Variants in CDH4 observed in about 807,000 individuals in gnomAD.
CDH4 encodes cadherin 4.
Under a neutral mutation model 86.0 loss-of-function variants are expected in CDH4, and 33 were observed. The observed-to-expected ratio is 0.38, with a 90% CI of 0.29 to 0.51. The LOEUF is 0.51. Ranked by LOEUF, CDH4 falls within the 20% of genes least tolerant of loss-of-function variation. CDH4 has a pLI of 0.86. For missense variants in CDH4, 1,114 were observed against 1,307.4 expected (o/e 0.85, Z 2.28); for synonymous variants, 555 against 549.4 (o/e 1.01, Z -0.14).
intron 2 of CDH4, among the ~76,000 whole-genome samples, chr20:61,344,566 T>C (rs1436835104): frequency 1.3e-5 from 2 of 152,216 alleles, no homozygotes; most frequent in Non-Finnish European, 2.9e-5. Context: ...TATTTGCCAT[T>C]GTTCTCAGTG....
At chr20:61,752,213 T>C (rs1177668752) in intron 3 of CDH4, among the ~76,000 whole-genome samples, 1 of 150,602 alleles carries the variant, frequency 6.6e-6, no homozygotes, top group Non-Finnish European at 1.5e-5. Context: ...ACACCTGTAA[T>C]CCCAGCTACT....
intron 5 of CDH4, among the ~76,000 whole-genome samples, chr20:61,847,763 G>C (rs1359066433): frequency 6.6e-6 from 1 of 152,158 alleles, no homozygotes; most frequent in Admixed American, 6.5e-5. Flanking sequence ...AAGGGGAGCA[G>C]ACGTCCCACG....
At chr20:61,350,593 C>T (rs1313329918) in intron 2 of CDH4, among the ~76,000 whole-genome samples, 2 of 150,916 alleles carry the variant, frequency 1.3e-5, no homozygotes, top group Non-Finnish European at 2.9e-5. Flanking sequence ...CAGAGGCCAG[C>T]GGGACACCTC....
At chr20:61,338,947 GCAAAAACAAA>G (rs1224372785) in intron 2 of CDH4, among the ~76,000 whole-genome samples, 2 of 151,892 alleles carry the variant, frequency 1.3e-5, no homozygotes, top group Non-Finnish European at 2.9e-5. Context: ...CTTCATCATG[GCAAAAACAAA>G]CAAAAAGAAA....
At chr20:61,795,006 A>G (rs1278015830) in intron 4 of CDH4, among the ~76,000 whole-genome samples, 2 of 150,194 alleles carry the variant, frequency 1.3e-5, no homozygotes, top group African/African-American at 4.9e-5. Flanking sequence ...CTCCACTGGG[A>G]TGATGGTGAT....
intron 2 of CDH4, among the ~76,000 whole-genome samples, chr20:61,568,378 G>A (rs2086316160): frequency 6.6e-6 from 1 of 152,164 alleles, no homozygotes; most frequent in Non-Finnish European, 1.5e-5. Flanking sequence ...TCTCCTTGCT[G>A]CCGCCATGTG....
chr20:61,669,774 T>G (rs1173203165), intron 2 of CDH4, among the ~76,000 whole-genome samples: 3 of 152,140 alleles, frequency 2.0e-5, no homozygotes, highest in African/African-American at 7.2e-5. Flanking sequence ...TTAATGAAAA[T>G]AACTTCTGAC....
chr20:61,693,201 G>A (rs1343830862), intron 2 of CDH4, among the ~76,000 whole-genome samples: 2 of 152,208 alleles, frequency 1.3e-5, no homozygotes, highest in African/African-American at 4.8e-5. Flanking sequence ...GGTACGAGCA[G>A]TCACTCCAGG....
At chr20:61,660,013 C>A (rs1270169546) in intron 2 of CDH4, among the ~76,000 whole-genome samples, 1 of 152,172 alleles carries the variant, frequency 6.6e-6, no homozygotes, top group Non-Finnish European at 1.5e-5. Flanking sequence ...GGGTTCTGGA[C>A]TCCTGCTTTT....
At chr20:61,471,055 A>C (rs1394210471) in intron 2 of CDH4, among the ~76,000 whole-genome samples, 5 of 152,076 alleles carry the variant, frequency 3.3e-5, no homozygotes. Flanking sequence ...GCCTCACATA[A>C]TGAGTTTGGA....
At chr20:61,396,580 T>C (rs1045471477) in intron 2 of CDH4, among the ~76,000 whole-genome samples, 2 of 152,240 alleles carry the variant, frequency 1.3e-5, no homozygotes, top group African/African-American at 4.8e-5. Context: ...TGCCTAGGAC[T>C]GGCCACGGGG....
intron 2 of CDH4, among the ~76,000 whole-genome samples, chr20:61,305,974 T>G (rs2084415043): frequency 6.6e-6 from 1 of 152,234 alleles, no homozygotes; most frequent in African/African-American, 2.4e-5. Flanking sequence ...ATAGCACCAC[T>G]TCCGTTGACC....
chr20:61,877,553 C>T (rs1027667491), intron 7 of CDH4, among the ~76,000 whole-genome samples: 5 of 152,150 alleles, frequency 3.3e-5, no homozygotes, highest in South Asian at 4.1e-4. Flanking sequence ...ATGTGAACAG[C>T]CCGGCTTCTA....
chr20:61,733,395 T>C (rs948442376), intron 2 of CDH4, among the ~76,000 whole-genome samples: 1 of 152,162 alleles, frequency 6.6e-6, no homozygotes, highest in Non-Finnish European at 1.5e-5. Context: ...TCACACGTGC[T>C]GTTCCCGCAT....
At chr20:61,534,223 G>A (rs1366440699) in intron 2 of CDH4, among the ~76,000 whole-genome samples, 3 of 152,170 alleles carry the variant, frequency 2.0e-5, no homozygotes, top group African/African-American at 7.2e-5. Flanking sequence ...ATATTACTTT[G>A]TGGCTTAAAA....
intron 2 of CDH4, among the ~76,000 whole-genome samples, chr20:61,324,424 C>T (rs2084526194): frequency 6.6e-6 from 1 of 152,186 alleles, no homozygotes; most frequent in Non-Finnish European, 1.5e-5. Context: ...ATGCTCCCTC[C>T]GGTAGTTCTA....
At chr20:61,815,236 A>T (rs1411619847) in intron 4 of CDH4, among the ~76,000 whole-genome samples, 2 of 152,182 alleles carry the variant, frequency 1.3e-5, no homozygotes, top group Admixed American at 1.3e-4. Context: ...GGCCACGATC[A>T]CAGGCCTGAC....
chr20:61,830,985 G>A (rs1981579873), intron 4 of CDH4, among the ~76,000 whole-genome samples: 1 of 152,290 alleles, frequency 6.6e-6, no homozygotes, highest in East Asian at 1.9e-4. Context: ...GCTGAGCTCT[G>A]AAGGCCTCGA....
At chr20:61,571,893 T>C (rs576814487) in intron 2 of CDH4, among the ~76,000 whole-genome samples, 1 of 151,804 alleles carries the variant, frequency 6.6e-6, no homozygotes, top group Non-Finnish European at 1.5e-5. Context: ...CTACCTCGGC[T>C]CTGTGCAGTA....
Sources: allele counts gnomAD v4.1 joint callset (sites outside exome capture counted in the v4.1 genomes callset), GRCh38; gene constraint gnomAD v4.1.1; transcripts MANE v1.5; gene names NCBI Gene and HGNC (gene_info 2026-07-23, HGNC 2026-07-21).